Variants in THRAP3 observed in about 807,000 individuals in gnomAD.
The protein encoded by THRAP3 is thyroid hormone receptor-associated protein 3.
THRAP3 carries 16 observed loss-of-function variants against 101.0 expected under a neutral mutation model. The ratio of observed to expected loss-of-function variants is 0.16; its 90% CI spans 0.11 to 0.24. The LOEUF (loss-of-function observed/expected upper bound fraction) is 0.24. THRAP3 is among the 10% of genes least tolerant of loss of function. The pLI is 1.00. For missense variants in THRAP3, 989 were observed against 1,202.7 expected (o/e 0.82, Z 2.63); for synonymous variants, 407 against 422.6 (o/e 0.96, Z 0.45).
At position 36,289,721 on chromosome 1, in the gene THRAP3, C is replaced by G; in HGVS notation, c.1702C>G (p.Gln568Glu). The G allele has an allele frequency of 6.2e-7, 1 of 1,613,482 alleles. No homozygotes were observed. The highest frequency in any genetic ancestry group is 1.1e-5 in the South Asian group (1 of 91,022). Reference protein sequence around the residue: ...KSSFSITREAQVNVRMDSFDE... With the variant: ...KSSFSITREAEVNVRMDSFDE... The stretch of plus-strand genomic sequence containing the variant: ...TTCCTTTTCCATTACTCGAGAGGCA[C>G]AGGTCAATGTCCGGATGGACTCTTT... The change falls in exon 5 of 12, where the codon CAG (glutamine) becomes GAG (glutamate). Residue 568 changes from glutamine to glutamate, a missense_variant. Physicochemically the swap from Gln to Glu is conservative, Grantham distance 29 (BLOSUM62 2). Transcript: ENST00000354618.
the THRAP3 span, among the ~76,000 whole-genome samples, chr1:36,212,837 GT>G: frequency 6.6e-6 from 1 of 152,182 alleles, no homozygotes; most frequent in Admixed American, 6.6e-5. Context: ...GGGATACCAT[GT>G]GCAGAAATTA....
intron 1 of THRAP3, among the ~76,000 whole-genome samples, chr1:36,257,436 G>C (rs2124479654): frequency 6.6e-6 from 1 of 152,314 alleles, no homozygotes; most frequent in African/African-American, 2.4e-5. Flanking sequence ...GTAATGTGTA[G>C]AAGGGAAGAG....
intron 5 of THRAP3, among the ~76,000 whole-genome samples, chr1:36,290,410 C>G (rs376444569): frequency 1.3e-5 from 2 of 151,988 alleles, no homozygotes; most frequent in Admixed American, 6.5e-5. Context: ...AGGATGGTCT[C>G]GATCTCCTGA....
chr1:36,260,728 A>C (rs1645434401), intron 2 of THRAP3, among the ~76,000 whole-genome samples: 1 of 150,468 alleles, frequency 6.6e-6, no homozygotes, highest in South Asian at 2.2e-4. Context: ...AGGCTGAGGC[A>C]GGAGAATGGT....
At chr1:36,259,956 T>C (rs140503579) in intron 2 of THRAP3, among the ~76,000 whole-genome samples, 16 of 152,120 alleles carry the variant, frequency 1.1e-4, no homozygotes, top group African/African-American at 2.4e-4. Context: ...TTAATTAAAA[T>C]TGGGGGCCAG....
intron 1 of THRAP3, among the ~76,000 whole-genome samples, chr1:36,252,584 A>G (rs1016909272): frequency 6.6e-6 from 1 of 152,092 alleles, no homozygotes; most frequent in Non-Finnish European, 1.5e-5. Context: ...CAAGAGAGAA[A>G]ACAACTTTGC....
Position 36,303,960 on chromosome 1 carries a change from C to T in THRAP3, c.2811C>T (p.Asp937=), listed in dbSNP as rs752103663. 2.2e-5 allele frequency: 36 copies of T among 1,610,432 alleles called. No individual in the cohort carries two copies. The East Asian group carries it at 4.5e-4, about 20-fold the overall frequency. ...GGGAGGAAGGGGAGATTGAAGACGACGAGAGTGGGACAGAGAACCGAGAAG... is the reference window on the plus strand; with the variant it reads ...GGGAGGAAGGGGAGATTGAAGACGATGAGAGTGGGACAGAGAACCGAGAAG... ...FSGEEGEIED[D]ESGTENREEK... Residue 937 remains aspartate (D), a synonymous_variant, in exon 12 of 12, where the codon GAC becomes GAT. Coordinates refer to ENST00000354618, the MANE Select transcript of THRAP3 (RefSeq NM_005119.4).
intron 1 of THRAP3, among the ~76,000 whole-genome samples, chr1:36,254,571 G>A (rs1645348998): frequency 6.6e-6 from 1 of 152,192 alleles, no homozygotes; most frequent in African/African-American, 2.4e-5. Context: ...TTGTAGCAGA[G>A]CAAAGCAGTG....
chr1:36,284,517 G>A (rs1645771483), intron 3 of THRAP3, among the ~76,000 whole-genome samples: 1 of 152,208 alleles, frequency 6.6e-6, no homozygotes, highest in East Asian at 1.9e-4. Flanking sequence ...TGCAAGGAAA[G>A]TATCTATCCA....
intron 2 of THRAP3, 27 bp from the exon 3 acceptor site, chr1:36,282,506 T>A: frequency 1.3e-6 from 2 of 1,553,874 alleles, no homozygotes; most frequent in Non-Finnish European, 8.8e-7. Context: ...ACTCACTCAT[T>A]TGTTCTAATG....
intron 1 of THRAP3, among the ~76,000 whole-genome samples, chr1:36,252,399 C>G (rs1231443006): frequency 6.6e-6 from 1 of 152,146 alleles, no homozygotes; most frequent in East Asian, 1.9e-4. Flanking sequence ...TATATGTTTA[C>G]AGGCATGAGC....
intron 2 of THRAP3, among the ~76,000 whole-genome samples, chr1:36,273,897 G>A (rs1645620917): frequency 6.6e-6 from 1 of 152,098 alleles, no homozygotes; most frequent in East Asian, 1.9e-4. Context: ...AAAAAAATCA[G>A]CTGGGCGTGG....
chr1:36,243,197 CTTTTTATT>C (rs1645184745), intron 1 of THRAP3, among the ~76,000 whole-genome samples: 1 of 45,184 alleles, frequency 2.2e-5, no homozygotes, highest in African/African-American at 7.7e-5. Context: ...ATGAGGGTTT[CTTTTTATT>C]TTTTTATTTT....
the THRAP3 span, among the ~76,000 whole-genome samples, chr1:36,210,345 G>A: frequency 1.6e-3 from 216 of 135,010 alleles, no homozygotes; most frequent in African/African-American, 5.9e-3. Flanking sequence ...CAGCTTGGGC[G>A]ACAGAGCGAG....
rs71053920 is a variant in THRAP3, at chr1:36,293,028, C to CTTTTTT, written c.2030+332_2030+337dup. ...AGTAAATGCTAGTTTCTTTTCTTGT[C>CTTTTTT]TTTTTTTTTTTTTTTTTTGAGATGG... is the stretch of plus-strand genomic sequence containing the variant. On this transcript the variant is annotated intron_variant, in intron 7 of 11. Coordinates refer to ENST00000354618, the MANE Select transcript of THRAP3 (RefSeq NM_005119.4). Among the ~76,000 whole-genome samples the CTTTTTT allele has an allele frequency of 8.5e-3, 705 of 82,780 alleles. 96 individuals carry two copies. Among genetic ancestry groups the CTTTTTT allele is most frequent in the African/African-American group, 0.029 (676 of 23,684 alleles). The allele number at this position is 82,780 out of a possible 152,430, so 54.3% of individuals were successfully genotyped here.
rs758075514 is a variant in THRAP3 at position 36,289,654 on chromosome 1, A to C, written c.1635A>C (p.Arg545=). Residue 545 remains arginine (R), a synonymous_variant, in exon 5 of 12, where the codon CGA becomes CGC. Transcript: ENST00000354618. ...CCCCAAGAAAGACCTCTGAGAGCCG[A>C]GACAAGCTGGGAGCGAAAGGAGATT... ...SPPPRKTSES[R]DKLGAKGDFP... The C allele has an allele frequency of 1.2e-6, 2 of 1,614,234 alleles. No homozygotes were observed. The highest frequency in any genetic ancestry group is 2.2e-5 in the East Asian group (1 of 44,890).
chr1:36,277,413 T>C (rs1035267705), intron 2 of THRAP3, among the ~76,000 whole-genome samples: 2 of 152,100 alleles, frequency 1.3e-5, no homozygotes, highest in Non-Finnish European at 2.9e-5. Context: ...TTGGTCAGGC[T>C]GGTCTCGAAC....
rs755771446 is a variant in THRAP3, at chr1:36,286,778, C to T, written c.548C>T (p.Ser183Phe). 4 of 1,614,122 alleles carry T rather than the reference C, an allele frequency of 2.5e-6. No homozygotes were observed. The highest frequency in any genetic ancestry group is 3.4e-6 in the Non-Finnish European group (4 of 1,180,048). Residue 183 changes from serine (S) to phenylalanine (F), a missense_variant, in exon 4 of 12, where the codon TCT becomes TTT. Physicochemically the swap from Ser to Phe is radical, Grantham distance 155 (BLOSUM62 -2). Coordinates refer to ENST00000354618, the MANE Select transcript of THRAP3 (RefSeq NM_005119.4). The surrounding 1 kb of genome is among the most constrained non-coding windows in gnomAD (Gnocchi z 5.5). The part of the protein sequence containing the change: ...KRKSAKEKKS[S>F]SKDSRPSQAA... Reference sequence around the variant, plus strand: ...AAGTCTGCAAAGGAGAAAAAGTCCTCTTCTAAGGATAGCCGGCCATCTCAG... The same window carrying T: ...AAGTCTGCAAAGGAGAAAAAGTCCTTTTCTAAGGATAGCCGGCCATCTCAG...
chr1:36,244,568 C>T (rs1362551517), intron 1 of THRAP3, among the ~76,000 whole-genome samples: 3 of 152,170 alleles, frequency 2.0e-5, no homozygotes, highest in Non-Finnish European at 4.4e-5. Context: ...CTTTCCTCTT[C>T]GTCACTTCTA....
Sources: gnomAD v4.1 joint callset for allele counts (sites outside exome capture counted in the v4.1 genomes callset) on GRCh38, gnomAD v4.1.1 for gene constraint, Gnocchi (gnomAD v3.1) non-coding constraint, MANE v1.5 for transcripts, NCBI Gene and HGNC (gene_info 2026-07-23, HGNC 2026-07-21) for gene names.